The following GUCY1A2 variants were observed in gnomAD, a reference collection of about 807,000 sequenced individuals.
The protein encoded by GUCY1A2 is guanylate cyclase 1 soluble subunit alpha 2.
GUCY1A2 carries 27 observed loss-of-function variants against 63.5 expected under a neutral mutation model. The observed-to-expected ratio is 0.43, with a 90% CI of 0.31 to 0.59. The LOEUF (loss-of-function observed/expected upper bound fraction) is 0.59, where lower values mean the gene tolerates loss of function less well. Ranked by LOEUF, GUCY1A2 falls within the 20% of genes least tolerant of loss-of-function variation. The pLI is 0.11. For synonymous variants in GUCY1A2, 364 were observed against 343.5 expected, an observed-to-expected ratio of 1.06 and a Z score of -0.66; for missense variants, 768 against 913.3, an observed-to-expected ratio of 0.84 and a Z score of 2.05.
At chr11:106,972,810 A>G (rs946609817) in intron 3 of GUCY1A2, among the ~76,000 whole-genome samples, 1 of 152,108 alleles carries the variant, frequency 6.6e-6, no homozygotes, top group Non-Finnish European at 1.5e-5. Flanking sequence ...GTTAAATGGA[A>G]TATTTTTCAG....
chr11:106,720,249 G>GTATT (rs779629444), intron 6 of GUCY1A2, among the ~76,000 whole-genome samples: 1 of 152,128 alleles, frequency 6.6e-6, no homozygotes, highest in Non-Finnish European at 1.5e-5. Context: ...CATTTATAGA[G>GTATT]TATTTTATAT....
At chr11:106,836,092 G>A (rs1245956239) in intron 4 of GUCY1A2, among the ~76,000 whole-genome samples, 3 of 151,848 alleles carry the variant, frequency 2.0e-5, no homozygotes, top group Non-Finnish European at 4.4e-5. Context: ...AAACCATATA[G>A]AGATTAAAAA....
chr11:106,876,424 ATTT>A lies in GUCY1A2; in HGVS notation c.1206+63033_1206+63035del, dbSNP rs542224853. On this transcript the variant is annotated intron_variant, in intron 4 of 7. Transcript: ENST00000526355. ...ATTGCTACTTTAATTCAAAAATATA[ATTT>A]TTGAGTCAAACAATTTATAGAAATG... Among the ~76,000 whole-genome samples, 10 of 152,208 alleles carry A rather than the reference ATTT, an allele frequency of 6.6e-5. No individual in the cohort carries two copies. The East Asian group carries it at 1.7e-3, about 26-fold the overall frequency.
At chr11:106,869,678 C>T (rs1333098371) in intron 4 of GUCY1A2, among the ~76,000 whole-genome samples, 16 of 152,086 alleles carry the variant, frequency 1.1e-4, no homozygotes, top group Non-Finnish European at 4.4e-5. Flanking sequence ...CTAGTTCAAC[C>T]ATTGTGGAAG....
intron 4 of GUCY1A2, among the ~76,000 whole-genome samples, chr11:106,897,162 G>A (rs1860062267): frequency 6.6e-6 from 1 of 151,898 alleles, no homozygotes; most frequent in Non-Finnish European, 1.5e-5. Flanking sequence ...TCATTATGAA[G>A]AAAATAACAA....
At chr11:106,843,707 G>A (rs533530916) in intron 4 of GUCY1A2, among the ~76,000 whole-genome samples, 146 of 151,926 alleles carry the variant, frequency 9.6e-4, no homozygotes, top group African/African-American at 3.2e-3. Context: ...TAGGTAAGAT[G>A]GTTTACCCAA....
chr11:106,769,907 A>G (rs1008835984), intron 6 of GUCY1A2, among the ~76,000 whole-genome samples: 3 of 152,144 alleles, frequency 2.0e-5, no homozygotes, highest in African/African-American at 4.8e-5. Context: ...CTTGAGTTTT[A>G]TAAATAAATA....
intron 6 of GUCY1A2, among the ~76,000 whole-genome samples, chr11:106,721,592 G>A (rs1404617573): frequency 6.6e-6 from 1 of 152,086 alleles, no homozygotes; most frequent in African/African-American, 2.4e-5. Flanking sequence ...GCATTAGATG[G>A]CGCTCATGTT....
chr11:106,931,744 T>G (rs1860605590), intron 4 of GUCY1A2, among the ~76,000 whole-genome samples: 1 of 152,120 alleles, frequency 6.6e-6, no homozygotes, highest in Non-Finnish European at 1.5e-5. Flanking sequence ...GATAACTAAT[T>G]GTATGATGAC....
chr11:106,831,818 G>C (rs565346371), intron 4 of GUCY1A2, among the ~76,000 whole-genome samples: 1 of 152,268 alleles, frequency 6.6e-6, no homozygotes, highest in African/African-American at 2.4e-5. Flanking sequence ...ATAGCAGCTA[G>C]CAATACTTAC....
intron 3 of GUCY1A2, among the ~76,000 whole-genome samples, chr11:106,943,992 G>A (rs922654386): frequency 1.3e-5 from 2 of 151,814 alleles, no homozygotes; most frequent in African/African-American, 2.4e-5. Flanking sequence ...GATTGCTTGA[G>A]TCCAGAAGTT....
chr11:106,994,384 T>C (rs1861508846), intron 1 of GUCY1A2, among the ~76,000 whole-genome samples: 2 of 152,162 alleles, frequency 1.3e-5, no homozygotes, highest in African/African-American at 2.4e-5. Flanking sequence ...ATACCATCAA[T>C]ACTAATTTGA....
At chr11:106,694,815 T>A (rs1862688820) in intron 7 of GUCY1A2, among the ~76,000 whole-genome samples, 1 of 152,190 alleles carries the variant, frequency 6.6e-6, no homozygotes, top group South Asian at 2.1e-4. Context: ...TTTATGGGTA[T>A]CATTTCAAGA....
intron 4 of GUCY1A2, among the ~76,000 whole-genome samples, chr11:106,835,738 T>C (rs1484030802): frequency 2.0e-5 from 3 of 151,884 alleles, no homozygotes; most frequent in Non-Finnish European, 4.4e-5. Flanking sequence ...TTTCAATGGA[T>C]TGAGAAATAA....
intron 3 of GUCY1A2, among the ~76,000 whole-genome samples, chr11:106,952,239 A>G (rs1369875565): frequency 1.3e-5 from 2 of 152,184 alleles, no homozygotes; most frequent in African/African-American, 2.4e-5. Context: ...TTGATTCCAT[A>G]TGAAATTTAA....
intron 6 of GUCY1A2, among the ~76,000 whole-genome samples, chr11:106,759,542 G>GTAAT (rs1864029153): frequency 6.6e-6 from 1 of 152,188 alleles, no homozygotes; most frequent in Non-Finnish European, 1.5e-5. Context: ...TAGAAGTAGG[G>GTAAT]TAATTGCTGA....
At chr11:107,016,261 G>T (rs1434421750) in intron 1 of GUCY1A2, among the ~76,000 whole-genome samples, 1 of 152,238 alleles carries the variant, frequency 6.6e-6, no homozygotes, top group African/African-American at 2.4e-5. Context: ...CTAGGGGTGG[G>T]CAGGTGAAAG....
At chr11:106,792,823 T>C (rs1026851608) in intron 5 of GUCY1A2, among the ~76,000 whole-genome samples, 1 of 152,154 alleles carries the variant, frequency 6.6e-6, no homozygotes, top group East Asian at 1.9e-4. Context: ...ATTAATTTCA[T>C]CAAGGATGTG....
At chr11:107,008,732 TAA>T (rs1861705368) in intron 1 of GUCY1A2, among the ~76,000 whole-genome samples, 1 of 152,144 alleles carries the variant, frequency 6.6e-6, no homozygotes, top group Non-Finnish European at 1.5e-5. Flanking sequence ...ATGTGAGTGA[TAA>T]GTTAGGATTC....
Sources: allele counts gnomAD v4.1 joint callset (sites outside exome capture counted in the v4.1 genomes callset), GRCh38; gene constraint gnomAD v4.1.1; transcripts MANE v1.5; gene names NCBI Gene and HGNC (gene_info 2026-07-23, HGNC 2026-07-21).